Variants in NOL4 observed in about 807,000 individuals in gnomAD.
NOL4 encodes the protein nucleolar protein 4, also known as cancer/testis antigen 125.
A neutral mutation model predicts 75.9 loss-of-function variants in NOL4; 17 were observed. The observed-to-expected ratio is 0.22, with a 90% confidence interval of 0.15 to 0.34. NOL4 has a LOEUF of 0.34. Among genes scored for constraint, NOL4 ranks in the 10% least tolerant of loss-of-function variants. NOL4 has a pLI of 1.00. For missense variants in NOL4, 614 were observed against 793.5 expected, an observed-to-expected ratio of 0.77 and a Z score of 2.72; for synonymous variants, 292 against 289.9, an observed-to-expected ratio of 1.01 and a Z score of -0.07.
intron 10 of NOL4, among the ~76,000 whole-genome samples, chr18:33,860,575 G>A (rs2063066744): frequency 6.6e-6 from 1 of 152,170 alleles, no homozygotes; most frequent in South Asian, 2.1e-4. Context: ...CATGTTGTCT[G>A]CAAACAGGGA....
At chr18:33,986,147 AG>A (rs2072435517) in intron 6 of NOL4, among the ~76,000 whole-genome samples, 1 of 152,158 alleles carries the variant, frequency 6.6e-6, no homozygotes, top group Admixed American at 6.6e-5. Context: ...GTACTTTATG[AG>A]GCAAACCATG....
At chr18:34,007,336 T>G (rs1041406089) in intron 6 of NOL4, among the ~76,000 whole-genome samples, 1 of 151,962 alleles carries the variant, frequency 6.6e-6, no homozygotes, top group Non-Finnish European at 1.5e-5. Context: ...AAAATCACAA[T>G]AACCCAATCC....
At chr18:33,903,160 G>A (rs1465646839) in intron 9 of NOL4, among the ~76,000 whole-genome samples, 1 of 152,144 alleles carries the variant, frequency 6.6e-6, no homozygotes, top group Admixed American at 6.6e-5. Context: ...TATGGCTGGG[G>A]AGGCCTCAGG....
chr18:33,858,592 G>A (rs1369819479), intron 10 of NOL4, among the ~76,000 whole-genome samples: 3 of 151,882 alleles, frequency 2.0e-5, no homozygotes, highest in African/African-American at 4.8e-5. Context: ...ACATGCTAAT[G>A]AATTTCATTT....
At chr18:34,138,675 T>G (rs1175791075) in intron 1 of NOL4, among the ~76,000 whole-genome samples, 2 of 152,292 alleles carry the variant, frequency 1.3e-5, no homozygotes, top group Non-Finnish European at 1.5e-5. Flanking sequence ...TATTTCTTTC[T>G]CCTGCCTGAT....
chr18:34,184,332 A>G (rs2034291825), intron 1 of NOL4, among the ~76,000 whole-genome samples: 1 of 152,030 alleles, frequency 6.6e-6, no homozygotes, highest in Non-Finnish European at 1.5e-5. Flanking sequence ...ATAACATGAT[A>G]CAATTATGTT....
At chr18:33,930,259 A>G (rs1021840666) in intron 9 of NOL4, among the ~76,000 whole-genome samples, 1 of 152,134 alleles carries the variant, frequency 6.6e-6, no homozygotes, top group Admixed American at 6.6e-5. Context: ...ATGTTTATAA[A>G]AATATAATGG....
intron 9 of NOL4, among the ~76,000 whole-genome samples, chr18:33,906,498 C>A (rs183016462): frequency 7.7e-4 from 117 of 152,268 alleles, no homozygotes; most frequent in African/African-American, 2.7e-3. Context: ...AGTTTGGAAT[C>A]AGATACAAGA....
At chr18:33,910,401 T>A (rs1284669320) in intron 9 of NOL4, among the ~76,000 whole-genome samples, 1 of 152,038 alleles carries the variant, frequency 6.6e-6, no homozygotes, top group Non-Finnish European at 1.5e-5. Context: ...CCGGTATCCT[T>A]TCCTGCCATG....
intron 1 of NOL4, among the ~76,000 whole-genome samples, chr18:34,155,123 A>C (rs1600740890): frequency 6.6e-6 from 1 of 151,982 alleles, no homozygotes; most frequent in Non-Finnish European, 1.5e-5. Context: ...CTTCGAAAAA[A>C]TAAATCTGCC....
intron 5 of NOL4, among the ~76,000 whole-genome samples, chr18:34,066,005 T>C (rs2077260471): frequency 6.6e-6 from 1 of 151,944 alleles, no homozygotes; most frequent in Non-Finnish European, 1.5e-5. Context: ...CTTTTCAAAA[T>C]ATAACCCTTA....
At chr18:34,084,872 T>C (rs926990191) in intron 5 of NOL4, among the ~76,000 whole-genome samples, 3 of 152,210 alleles carry the variant, frequency 2.0e-5, no homozygotes, top group East Asian at 3.8e-4. Context: ...TTCAAAGCCC[T>C]ACTAAACACT....
At chr18:33,854,879 C>T (rs2062770744) in intron 10 of NOL4, among the ~76,000 whole-genome samples, 1 of 151,896 alleles carries the variant, frequency 6.6e-6, no homozygotes, top group Non-Finnish European at 1.5e-5. Flanking sequence ...TGATTTTATT[C>T]TAATCGGCAG....
At chr18:34,180,261 C>T (rs1028083943) in intron 1 of NOL4, among the ~76,000 whole-genome samples, 6 of 151,386 alleles carry the variant, frequency 4.0e-5, no homozygotes, top group African/African-American at 7.3e-5. Context: ...ATACCAAATT[C>T]GGCAACATAT....
intron 1 of NOL4, among the ~76,000 whole-genome samples, chr18:34,207,973 T>A (rs964069686): frequency 6.6e-6 from 1 of 152,050 alleles, no homozygotes; most frequent in African/African-American, 2.4e-5. Flanking sequence ...AGGAAAAAAA[T>A]AGACATGGTG....
At position 34,087,111 on chromosome 18, in the gene NOL4, T is replaced by C. The variant is rs149371631; in HGVS notation, c.772+6354A>G. Among the ~76,000 whole-genome samples, 40 of 152,236 alleles carry C rather than the reference T, an allele frequency of 2.6e-4. No homozygotes were observed. In the East Asian group the frequency reaches 7.3e-3, roughly 28 times the overall value. ...ATAGTAAAGAATATCTTCACAAGCA[T>C]AGTGTGGAGCACTGGTTCCCATACT... On this transcript the variant is annotated intron_variant, in intron 5 of 10. Transcript: ENST00000261592.
At chr18:34,201,025 T>G (rs567300232) in intron 1 of NOL4, among the ~76,000 whole-genome samples, 1 of 151,586 alleles carries the variant, frequency 6.6e-6, no homozygotes, top group Non-Finnish European at 1.5e-5. Flanking sequence ...TATATAGGGT[T>G]GATGTTTGCA....
chr18:34,139,390 C>T (rs976448070), intron 1 of NOL4, among the ~76,000 whole-genome samples: 2 of 152,136 alleles, frequency 1.3e-5, no homozygotes, highest in Non-Finnish European at 2.9e-5. Context: ...TCAACTTCTT[C>T]CTGGTTTAGT....
At chr18:33,898,471 T>A (rs1032056290) in intron 9 of NOL4, among the ~76,000 whole-genome samples, 2 of 152,114 alleles carry the variant, frequency 1.3e-5, no homozygotes, top group Non-Finnish European at 2.9e-5. Context: ...CCTTGAAAAA[T>A]TTTTAATTAT....
Sources: gnomAD v4.1 joint callset for allele counts (sites outside exome capture counted in the v4.1 genomes callset) on GRCh38, gnomAD v4.1.1 for gene constraint, MANE v1.5 for transcripts, NCBI Gene and HGNC (gene_info 2026-07-23, HGNC 2026-07-21) for gene names.